Variants in CATSPERT observed in about 807,000 individuals in gnomAD.
CATSPERT encodes the protein catsper channel auxiliary subunit tau, also known as cation channel sperm-associated targeting subunit tau.
chr2:201,608,451 A>G, the CATSPERT span, among the ~76,000 whole-genome samples: 59 of 152,162 alleles, frequency 3.9e-4, no homozygotes, highest in African/African-American at 1.4e-3. Flanking sequence ...CCCTCGAGGA[A>G]TATTTTAATG....
the CATSPERT span, among the ~76,000 whole-genome samples, chr2:201,505,792 T>G: frequency 3.3e-5 from 5 of 152,160 alleles, no homozygotes; most frequent in African/African-American, 1.2e-4. Flanking sequence ...TAGGTAATAG[T>G]AACGTACTAA....
At chr2:201,525,258 C>T in the CATSPERT span, among the ~76,000 whole-genome samples, 76 of 152,224 alleles carry the variant, frequency 5.0e-4, no homozygotes, top group African/African-American at 1.7e-3. Flanking sequence ...ATCAACCATG[C>T]TCTGGGACCA....
At chr2:201,618,272 T>C in the CATSPERT span, among the ~76,000 whole-genome samples, 22 of 152,178 alleles carry the variant, frequency 1.4e-4, no homozygotes, top group African/African-American at 5.3e-4. Context: ...ATGTTTATTA[T>C]GGCACTATTC....
the CATSPERT span, among the ~76,000 whole-genome samples, chr2:201,616,013 G>T: frequency 7.2e-5 from 11 of 152,170 alleles, no homozygotes; most frequent in African/African-American, 2.4e-5. Context: ...CCAGGAAGAA[G>T]TTGAATCCCT....
the CATSPERT span, among the ~76,000 whole-genome samples, chr2:201,609,308 A>G: frequency 6.6e-6 from 1 of 152,208 alleles, no homozygotes; most frequent in African/African-American, 2.4e-5. Flanking sequence ...ACAGAGAAAC[A>G]TGGGATTTAA....
At chr2:201,595,389 C>T in the CATSPERT span, among the ~76,000 whole-genome samples, 18 of 151,968 alleles carry the variant, frequency 1.2e-4, no homozygotes, top group Middle Eastern at 3.4e-3. Flanking sequence ...GGGGTTTCAC[C>T]GTGTTAGCCA....
the CATSPERT span, chr2:201,603,105 G>T: frequency 3.8e-6 from 3 of 793,132 alleles, no homozygotes; most frequent in Non-Finnish European, 6.0e-6. Context: ...AGTAGTGATT[G>T]ATGATAAAAT....
At chr2:201,569,550 C>G in the CATSPERT span, among the ~76,000 whole-genome samples, 1 of 152,206 alleles carries the variant, frequency 6.6e-6, no homozygotes, top group African/African-American at 2.4e-5. Flanking sequence ...ATTTAAGTTT[C>G]CCAATTCAGT....
chr2:201,507,580 G>A, the CATSPERT span, among the ~76,000 whole-genome samples: 1 of 152,288 alleles, frequency 6.6e-6, no homozygotes, highest in Admixed American at 6.5e-5. Flanking sequence ...AGTAAGTAAT[G>A]TTGTATAGTA....
At chr2:201,493,163 G>A in the CATSPERT span, 1 of 1,527,748 alleles carries the variant, frequency 6.5e-7, no homozygotes, top group African/African-American at 1.4e-5. Flanking sequence ...GATTCACTAA[G>A]TTTATCCATT....
chr2:201,579,360 C>A, the CATSPERT span, among the ~76,000 whole-genome samples: 3 of 152,062 alleles, frequency 2.0e-5, no homozygotes, highest in Non-Finnish European at 4.4e-5. Flanking sequence ...CCTGCCTCAG[C>A]CCCCCATGCA....
chr2:201,491,217 C>A, the CATSPERT span: 8 of 1,537,370 alleles, frequency 5.2e-6, no homozygotes, highest in Non-Finnish European at 5.2e-6. Context: ...TTGGAACAGA[C>A]TTCTTTAGGT....
At chr2:201,520,094 C>T in the CATSPERT span, among the ~76,000 whole-genome samples, 1 of 151,944 alleles carries the variant, frequency 6.6e-6, no homozygotes, top group Admixed American at 6.6e-5. Flanking sequence ...ATAATAATAA[C>T]AAAAGGATCA....
the CATSPERT span, among the ~76,000 whole-genome samples, chr2:201,601,168 C>T: frequency 6.6e-6 from 1 of 151,880 alleles, no homozygotes; most frequent in African/African-American, 2.4e-5. Flanking sequence ...ACCAGACTGC[C>T]CACATTCCCA....
At chr2:201,582,178 A>G in the CATSPERT span, 11 of 1,607,452 alleles carry the variant, frequency 6.8e-6, no homozygotes, top group South Asian at 2.2e-5. Context: ...ATGAGTTCCA[A>G]TAAAATATTA....
chr2:201,542,111 C>CTATT, the CATSPERT span, among the ~76,000 whole-genome samples: 1 of 152,016 alleles, frequency 6.6e-6, no homozygotes, highest in Non-Finnish European at 1.5e-5. Flanking sequence ...TTACATAATG[C>CTATT]TATTGCACAC....
chr2:201,571,873 C>T, the CATSPERT span: 3 of 1,440,404 alleles, frequency 2.1e-6, no homozygotes, highest in Non-Finnish European at 2.9e-6. Context: ...AAATGCTCCA[C>T]CAAATGGATT....
At chr2:201,493,424 A>T in the CATSPERT span, 1 of 1,537,176 alleles carries the variant, frequency 6.5e-7, no homozygotes, top group Non-Finnish European at 8.7e-7. Context: ...TACTCTTGGG[A>T]ATCCTTTAGG....
chr2:201,605,923 C>A, the CATSPERT span, among the ~76,000 whole-genome samples: 1 of 151,720 alleles, frequency 6.6e-6, no homozygotes, highest in South Asian at 2.1e-4. Context: ...ACAAACCATC[C>A]CAGAAATAAA....
Sources: gnomAD v4.1 joint callset for allele counts (sites outside exome capture counted in the v4.1 genomes callset) on GRCh38, gnomAD v4.1.1 for gene constraint, MANE v1.5 for transcripts, NCBI Gene and HGNC (gene_info 2026-07-23, HGNC 2026-07-21) for gene names.